The following ZNF160 variants were observed in gnomAD, a reference collection of about 807,000 sequenced individuals.
The protein encoded by ZNF160 is zinc finger protein 160, also known as KRAB zinc finger protein KR18.
A neutral mutation model predicts 13.1 loss-of-function variants in ZNF160; 9 were observed. The ratio of observed to expected loss-of-function variants is 0.69; its 90% CI spans 0.41 to 1.20. The LOEUF is 1.20. Ranked by LOEUF, ZNF160 falls within the 50% of genes most tolerant of loss-of-function variation. The pLI, the probability that ZNF160 is intolerant of heterozygous loss-of-function variation, is 0.01. For synonymous variants in ZNF160, 293 were observed against 333.2 expected (o/e 0.88, Z 1.31); for missense variants, 838 against 988.0 (o/e 0.85, Z 2.04).
chr19:53,094,911 T>C (rs865982986), intron 1 of ZNF160, among the ~76,000 whole-genome samples: 37 of 151,830 alleles, frequency 2.4e-4, no homozygotes, highest in African/African-American at 8.2e-4. Context: ...GGCCCGCTCC[T>C]TTCCCGGCCC....
At chr19:53,099,157 A>T (rs2085353071) in intron 1 of ZNF160, among the ~76,000 whole-genome samples, 1 of 152,090 alleles carries the variant, frequency 6.6e-6, no homozygotes, top group Admixed American at 6.5e-5. Flanking sequence ...ATGGATGCGG[A>T]GACAGTGAAA....
At chr19:53,075,605 C>A in intron 3 of ZNF160, 1 of 372,344 alleles carries the variant, frequency 2.7e-6, no homozygotes, top group Non-Finnish European at 5.3e-6. Flanking sequence ...AATGGGGCCT[C>A]CATGAAAACT....
At chr19:53,082,308 CA>C (rs574974749) in intron 3 of ZNF160, among the ~76,000 whole-genome samples, 8 of 152,176 alleles carry the variant, frequency 5.3e-5, no homozygotes, top group East Asian at 3.9e-4. Flanking sequence ...CCAATGTACA[CA>C]AAAAAATTCA....
At chr19:53,070,879 A>G (rs985858546) in intron 5 of ZNF160, among the ~76,000 whole-genome samples, 1 of 151,876 alleles carries the variant, frequency 6.6e-6, no homozygotes, top group African/African-American at 2.4e-5. Flanking sequence ...ACACAGCAAG[A>G]CTCCATCTCT....
rs2084016513 is a variant in ZNF160 at position 53,067,949 on chromosome 19, CCT to C, written c.*126_*127del. ...TTTACATGATGTCTCTTGCTTATGGCCTCTCATATCTATTAATGCTTCAACTC... is the reference window on the plus strand; with the variant it reads ...TTTACATGATGTCTCTTGCTTATGGCCTCATATCTATTAATGCTTCAACTC... On this transcript the variant is annotated 3_prime_UTR_variant, in exon 6 of 6. Transcript: ENST00000683776. 2 of 1,306,142 alleles carry C rather than the reference CCT, an allele frequency of 1.5e-6. No individual in the cohort carries two copies. The highest frequency in any genetic ancestry group is 4.8e-5 in the Admixed American group (2 of 41,800). The allele number at this position is 1,306,142 out of a possible 1,614,324, so 80.9% of individuals were successfully genotyped here.
At chr19:53,083,434 G>A (rs1198108472) in intron 3 of ZNF160, among the ~76,000 whole-genome samples, 1 of 152,208 alleles carries the variant, frequency 6.6e-6, no homozygotes. Context: ...AAAGACAAAG[G>A]CCATGTGAAC....
intron 1 of ZNF160, among the ~76,000 whole-genome samples, chr19:53,095,046 C>A (rs1010209366): frequency 1.4e-5 from 2 of 146,844 alleles, no homozygotes; most frequent in Non-Finnish European, 1.5e-5. Flanking sequence ...TCTCACCCCA[C>A]CCCTTCCCCA....
At chr19:53,101,686 T>G (rs1254086232) in intron 1 of ZNF160, among the ~76,000 whole-genome samples, 1 of 152,110 alleles carries the variant, frequency 6.6e-6, no homozygotes, top group Non-Finnish European at 1.5e-5. Context: ...CTTGCCTCTC[T>G]TCACTGCCCC....
chr19:53,075,079 G>A lies in ZNF160; in HGVS notation c.120C>T (p.Asn40=). The stretch of plus-strand genomic sequence containing the variant: ...CACCCAGAGAAACAAGGTTCCAGTA[G>A]TTCTCCAACATCACGTCCCTGTATA... The part of the protein sequence containing the change: ...RILYRDVMLE[N]YWNLVSLGLC... Residue 40 remains asparagine (N), a synonymous_variant, in exon 4 of 6, where the codon AAC becomes AAT. Coordinates refer to ENST00000683776, the MANE Select transcript of ZNF160 (RefSeq NM_001322131.2). 2.5e-6 allele frequency: 4 copies of A among 1,614,176 alleles called. No individual in the cohort carries two copies. The highest frequency in any genetic ancestry group is 3.4e-6 in the Non-Finnish European group (4 of 1,180,032).
chr19:53,071,020 A>G (rs973175890), intron 5 of ZNF160, among the ~76,000 whole-genome samples: 6 of 151,602 alleles, frequency 4.0e-5, no homozygotes, highest in African/African-American at 1.5e-4. Flanking sequence ...ACATGGTGAA[A>G]CCCCATCTCT....
rs1316452039 is a variant in ZNF160, at chr19:53,068,228, G to A, written c.2306C>T (p.Ala769Val). 6.2e-7 allele frequency: 1 copy of A among 1,614,102 alleles called. No homozygotes were observed. Among genetic ancestry groups the A allele is most frequent in the Admixed American group, 1.7e-5 (1 of 60,006 alleles). ...KPYRCTECGK[A>V]FRVRSSLTTH... ...AGTTAGACTTGATCTTACCCTAAAGGCTTTCCCACACTCTGTACACCTGTA... is the reference window on the plus strand; with the variant it reads ...AGTTAGACTTGATCTTACCCTAAAGACTTTCCCACACTCTGTACACCTGTA... Residue 769 changes from alanine (A) to valine (V), a missense_variant, in exon 6 of 6, where the codon GCC (alanine) becomes GTC (valine). This residue lies in a region of ZNF160 where 400 missense variants were observed against 538.9 expected (regional missense o/e 0.74). Transcript: ENST00000683776.
At chr19:53,101,551 T>C (rs2085447764) in intron 1 of ZNF160, among the ~76,000 whole-genome samples, 2 of 152,178 alleles carry the variant, frequency 1.3e-5, no homozygotes, top group South Asian at 4.1e-4. Flanking sequence ...CACAAAAGCT[T>C]ACTTCAGCAA....
intron 1 of ZNF160, among the ~76,000 whole-genome samples, chr19:53,098,725 T>C (rs1363124527): frequency 1.3e-5 from 2 of 151,452 alleles, no homozygotes. Flanking sequence ...CCAGGACCCC[T>C]GACTGCGAGC....
chr19:53,081,601 TA>T (rs561394895), intron 3 of ZNF160, among the ~76,000 whole-genome samples: 2 of 145,556 alleles, frequency 1.4e-5, no homozygotes, highest in African/African-American at 2.5e-5. Flanking sequence ...TACTAAAAAG[TA>T]AAAAAAAAAC....
Position 53,068,320 on chromosome 19 carries a change from A to G in ZNF160, c.2214T>C (p.Cys738=). 1 of 1,614,084 alleles carries G rather than the reference A, an allele frequency of 6.2e-7. No individual in the cohort carries two copies. The highest frequency in any genetic ancestry group is 8.5e-7 in the Non-Finnish European group (1 of 1,180,018). Residue 738 remains cysteine, a synonymous_variant, in exon 6 of 6, where the codon TGT becomes TGC. Transcript: ENST00000683776. ...GAGCATTTTGAGTAAAGACCTTGCCACATTCATTACATTTGTAAGGTTTTT... is the reference window on the plus strand; with the variant it reads ...GAGCATTTTGAGTAAAGACCTTGCCGCATTCATTACATTTGTAAGGTTTTT... ...TGKKPYKCNE[C]GKVFTQNAHL... is the part of the protein sequence containing the mutation.
intron 1 of ZNF160, among the ~76,000 whole-genome samples, chr19:53,093,301 G>A (rs1254633234): frequency 1.3e-5 from 2 of 152,124 alleles, no homozygotes; most frequent in Admixed American, 1.3e-4. Flanking sequence ...TTAGCCAGGC[G>A]CGGTGGCAGC....
chr19:53,072,187 C>T (rs762173406), intron 5 of ZNF160, among the ~76,000 whole-genome samples: 4 of 151,900 alleles, frequency 2.6e-5, no homozygotes, highest in East Asian at 1.9e-4. Context: ...CTGCAACCCC[C>T]GCCTCCAGGG....
At position 53,068,626 on chromosome 19, in the gene ZNF160, A is replaced by G; in HGVS notation, c.1908T>C (p.Leu636=). The change falls in exon 6 of 6, where the codon CTT becomes CTC. Residue 636 remains leucine (L), a synonymous_variant. Coordinates refer to ENST00000683776, the MANE Select transcript of ZNF160 (RefSeq NM_001322131.2). ...CAGTATGAATTCGCCGATGAGTTGCAAGGTATGAATTGTGCCTAAAAACCT... is the reference window on the plus strand; with the variant it reads ...CAGTATGAATTCGCCGATGAGTTGCGAGGTATGAATTGTGCCTAAAAACCT... The part of the protein sequence containing the change: ...CGKVFRHNSY[L]ATHRRIHTGE... 6.2e-7 allele frequency: 1 copy of G among 1,613,634 alleles called. No individual in the cohort carries two copies. The highest frequency in any genetic ancestry group is 8.5e-7 in the Non-Finnish European group (1 of 1,179,912).
intron 3 of ZNF160, 114 bp from the exon 4 acceptor site, chr19:53,075,297 C>T: frequency 1.5e-6 from 2 of 1,353,374 alleles, no homozygotes; most frequent in Non-Finnish European, 2.0e-6. Flanking sequence ...GGTGAGCTGA[C>T]AGATCCAGAT....
Sources: gnomAD v4.1 joint callset for allele counts (sites outside exome capture counted in the v4.1 genomes callset) on GRCh38, gnomAD v4.1.1 for gene constraint, gnomAD v4.1.1 regional missense constraint, MANE v1.5 for transcripts, NCBI Gene and HGNC (gene_info 2026-07-23, HGNC 2026-07-21) for gene names.